OGG1: variants seen among roughly 807,000 people sequenced by gnomAD.
OGG1 encodes 8-oxoguanine DNA glycosylase, also known as N-glycosylase/DNA lyase.
OGG1 carries 35 observed loss-of-function variants against 42.3 expected under a neutral mutation model. The ratio of observed to expected loss-of-function variants is 0.83; its 90% confidence interval spans 0.63 to 1.10. The LOEUF (loss-of-function observed/expected upper bound fraction) is 1.10. Ranked by LOEUF, OGG1 falls within the 50% of genes least tolerant of loss-of-function variation. The pLI is 0.00. For synonymous variants in OGG1, 189 were observed against 179.0 expected (o/e 1.06, Z -0.44); for missense variants, 484 against 446.7 (o/e 1.08, Z -0.75).
downstream of OGG1, chr3:9,790,008 C>A: frequency 2.0e-6 from 3 of 1,534,682 alleles, no homozygotes; most frequent in Non-Finnish European, 2.6e-6. Flanking sequence ...AGGGAAAACA[C>A]AGAATATCTC....
exon 8 of OGG1, chr3:9,766,384 G>A: frequency 1.7e-6 from 1 of 597,288 alleles, no homozygotes; most frequent in Non-Finnish European, 3.1e-6. Context: ...TTCGAGTCAT[G>A]GCTAATTTAA....
In OGG1 at chr3:9,757,374, A is replaced by G; in HGVS notation, c.*224A>G. The G allele has an allele frequency of 6.2e-7, 1 of 1,613,608 alleles. No homozygotes were observed. The highest frequency in any genetic ancestry group is 8.5e-7 in the Non-Finnish European group (1 of 1,179,726). On this transcript the variant is annotated 3_prime_UTR_variant, in exon 7 of 7. Coordinates refer to ENST00000344629, the MANE Select transcript of OGG1 (RefSeq NM_002542.6). This position sits in a 1 kb window ranked among gnomAD's most constrained non-coding sequence, Gnocchi z 4.5. ...GTTTTATCTTCCCTTTATTACAAGA[A>G]GGAACAATAAAATAGAAACATTTGT...
At chr3:9,787,272 A>G (rs1415849858) in intron 3 of OGG1, 3 of 1,614,134 alleles carry the variant, frequency 1.9e-6, no homozygotes, top group Non-Finnish European at 2.5e-6. Flanking sequence ...CCCGGGCCCC[A>G]TCCTTCTGCT....
intron 3 of OGG1, 21 bp downstream of exon 3, chr3:9,751,970 C>T: frequency 1.2e-6 from 2 of 1,608,800 alleles, no homozygotes; most frequent in South Asian, 1.1e-5. Flanking sequence ...GGGTCCCCTG[C>T]CCCCAGGCCT....
At position 9,750,411 on chromosome 3, in the gene OGG1, G is replaced by A. The variant is rs375516876; in HGVS notation, c.125G>A (p.Gly42Glu). Residue 42 changes from glycine (G) to glutamate (E), a missense_variant, in exon 1 of 7, where the codon GGA becomes GAA. Coordinates refer to ENST00000344629, the MANE Select transcript of OGG1 (RefSeq NM_002542.6). Reference protein sequence around the residue: ...ELRLDLVLPSGQSFRWREQSP... With the variant: ...ELRLDLVLPSEQSFRWREQSP... ...CGCCTGGACCTGGTTCTGCCTTCTG[G>A]ACAATCTTTCCGGTGAGTGACTGAG... 1.1e-5 allele frequency: 17 copies of A among 1,613,826 alleles called. No homozygotes were observed. Among genetic ancestry groups the A allele is most frequent in the Non-Finnish European group, 1.4e-5 (16 of 1,180,030 alleles).
intron 3 of OGG1, among the ~76,000 whole-genome samples, chr3:9,753,180 G>A (rs986024154): frequency 1.3e-5 from 2 of 151,770 alleles, no homozygotes; most frequent in Admixed American, 6.6e-5. Flanking sequence ...GGTGAAACCC[G>A]CTCTCTGCTA....
chr3:9,761,338 T>G (rs1021261457), downstream of OGG1: 5 of 940,726 alleles, frequency 5.3e-6, no homozygotes, highest in East Asian at 2.5e-5. Context: ...GGTAATTGAT[T>G]GGTGGAAGGA....
In OGG1 at chr3:9,751,941, C is replaced by G. The variant is rs760280740; in HGVS notation, c.557C>G (p.Ala186Gly). The change falls in exon 3 of 7, where the codon GCC becomes GGC. Residue 186 changes from alanine to glycine, a missense_variant. By Grantham distance (60) the Ala-to-Gly change is moderately conservative. Transcript: ENST00000344629. ...VTYHGFPSLQALAGPEVEAHL... is the reference protein window; with the variant it reads ...VTYHGFPSLQGLAGPEVEAHL... ...TACCATGGCTTCCCCAGCCTGCAGG[C>G]CCTGGCTGGTGAGTAGGTGGGTCCC... 15 of 1,613,890 alleles carry G rather than the reference C, an allele frequency of 9.3e-6. No individual in the cohort carries two copies. The highest frequency in any genetic ancestry group is 1.3e-5 in the Non-Finnish European group (15 of 1,179,914).
chr3:9,774,494 C>T (rs1057338367), intron 2 of OGG1, among the ~76,000 whole-genome samples: 9 of 151,530 alleles, frequency 5.9e-5, no homozygotes, highest in African/African-American at 1.9e-4. Context: ...TACTCTACTC[C>T]GAAATGGTAG....
At chr3:9,780,640 G>A in intron 2 of OGG1, 1 of 1,356,328 alleles carries the variant, frequency 7.4e-7, no homozygotes, top group Non-Finnish European at 9.9e-7. Context: ...CACCAGCCCA[G>A]GCTGGCATGC....
downstream of OGG1, among the ~76,000 whole-genome samples, chr3:9,771,613 A>G (rs2078300043): frequency 6.6e-6 from 1 of 152,106 alleles, no homozygotes; most frequent in East Asian, 1.9e-4. Context: ...TCCATCTTCC[A>G]AATCTCAGTA....
chr3:9,752,069 G>T, intron 3 of OGG1, 120 bp downstream of exon 3: 3 of 908,428 alleles, frequency 3.3e-6, no homozygotes, highest in Non-Finnish European at 5.2e-6. Context: ...ATCCAGAACC[G>T]CCCTGCCTGG....
At chr3:9,750,842 C>T (rs1473286610) in intron 1 of OGG1, 103 bp from the exon 2 acceptor site, 39 of 1,353,862 alleles carry the variant, frequency 2.9e-5, no homozygotes, top group Non-Finnish European at 3.8e-5. Context: ...AGCACTGTTA[C>T]TTGTATTAGT....
At chr3:9,771,003 TTC>T (rs1392761293), downstream of OGG1, among the ~76,000 whole-genome samples, 1 of 151,990 alleles carries the variant, frequency 6.6e-6, no homozygotes, top group Non-Finnish European at 1.5e-5. Context: ...TCTTTCTTTT[TTC>T]TTTCTTTCTC....
At chr3:9,760,451 A>G (rs2077800968), downstream of OGG1, 1 of 533,434 alleles carries the variant, frequency 1.9e-6, no homozygotes, top group East Asian at 3.3e-5. Flanking sequence ...GAACAAATGA[A>G]TGCCTAGTTT....
At chr3:9,766,451 C>A in exon 8 of OGG1, 3 of 411,818 alleles carry the variant, frequency 7.3e-6, no homozygotes, top group Non-Finnish European at 9.0e-6. Context: ...TTTAGAAATG[C>A]AAAATCTCTA....
chr3:9,769,392 C>T (rs2078245396), downstream of OGG1, among the ~76,000 whole-genome samples: 1 of 152,136 alleles, frequency 6.6e-6, no homozygotes, highest in South Asian at 2.1e-4. Flanking sequence ...ATTGTACACC[C>T]CCTCCTAACT....
intron 3 of OGG1, among the ~76,000 whole-genome samples, chr3:9,782,790 C>CAAA (rs36123956): frequency 4.2e-5 from 5 of 119,968 alleles, no homozygotes; most frequent in South Asian, 2.7e-4. Context: ...GACACCGTCT[C>CAAA]AAAAAAAAAA....
chr3:9,779,660 A>G (rs2078416383), intron 2 of OGG1, among the ~76,000 whole-genome samples: 1 of 152,172 alleles, frequency 6.6e-6, no homozygotes, highest in African/African-American at 2.4e-5. Context: ...TAAAAAAAAA[A>G]GAAACCTGGA....
Sources: allele counts gnomAD v4.1 joint callset (sites outside exome capture counted in the v4.1 genomes callset), GRCh38; gene constraint gnomAD v4.1.1; non-coding constraint Gnocchi (gnomAD v3.1); transcripts MANE v1.5; gene names NCBI Gene and HGNC (gene_info 2026-07-23, HGNC 2026-07-21).